RBMS3: variants seen among roughly 807,000 people sequenced by gnomAD.
RBMS3 encodes the protein RNA-binding motif, single-stranded-interacting protein 3.
Under a neutral mutation model 66.8 loss-of-function variants are expected in RBMS3, and 27 were observed. The ratio of observed to expected loss-of-function variants is 0.40; its 90% CI spans 0.30 to 0.56. The LOEUF is 0.56. RBMS3 is among the 20% of genes least tolerant of loss of function. The probability of loss-of-function intolerance (pLI) is 0.40; values close to 1 mark genes in which losing one functional copy is unlikely to be tolerated. For missense variants in RBMS3, 513 were observed against 549.5 expected, an observed-to-expected ratio of 0.93 and a Z score of 0.66; for synonymous variants, 188 against 183.0, an observed-to-expected ratio of 1.03 and a Z score of -0.22.
At chr3:29,513,132 G>T (rs1238199182) in intron 3 of RBMS3, among the ~76,000 whole-genome samples, 2 of 152,156 alleles carry the variant, frequency 1.3e-5, no homozygotes, top group Non-Finnish European at 2.9e-5. Context: ...CATTTACACT[G>T]GTGGCGGATT....
At chr3:29,983,101 T>C (rs1698107206) in intron 12 of RBMS3, among the ~76,000 whole-genome samples, 1 of 152,228 alleles carries the variant, frequency 6.6e-6, no homozygotes, top group African/African-American at 2.4e-5. Flanking sequence ...ATGTATTGGG[T>C]GCATATATAT....
chr3:29,384,432 T>TAAGAAG lies in RBMS3; in HGVS notation c.76-50309_76-50308insGAAGAA, dbSNP rs561847341. Among the ~76,000 whole-genome samples the TAAGAAG allele has an allele frequency of 1.8e-3, 182 of 99,412 alleles. 1 individual carries two copies. Among genetic ancestry groups the TAAGAAG allele is most frequent in the Middle Eastern group, 9.5e-3 (2 of 210 alleles). 65.2% of individuals were successfully genotyped at this position (99,412 alleles called of 152,430 possible). On this transcript the variant is annotated intron_variant, in intron 1 of 14. Coordinates refer to ENST00000383767, the MANE Select transcript of RBMS3 (RefSeq NM_001003793.3). ...ACATATACACCAATAATAATAATAA[T>TAAGAAG]AATAAGAAGAAGAAGAAGAAGAAGA...
chr3:29,705,029 A>C (rs2165318), intron 4 of RBMS3, among the ~76,000 whole-genome samples: 1 of 152,338 alleles, frequency 6.6e-6, no homozygotes, highest in Non-Finnish European at 1.5e-5. Context: ...TGCTTTCTGG[A>C]GTCAGTTCCC....
intron 4 of RBMS3, among the ~76,000 whole-genome samples, chr3:29,700,669 A>G (rs2149287405): frequency 6.8e-6 from 1 of 147,940 alleles, no homozygotes; most frequent in East Asian, 1.9e-4. Flanking sequence ...CAATTATTTC[A>G]GACTTTTTTT....
chr3:29,412,624 T>A (rs2040312208), intron 1 of RBMS3, among the ~76,000 whole-genome samples: 1 of 152,210 alleles, frequency 6.6e-6, no homozygotes, highest in South Asian at 2.1e-4. Flanking sequence ...ATTAATTAAG[T>A]GCCAACTGAA....
intron 4 of RBMS3, among the ~76,000 whole-genome samples, chr3:29,647,008 C>T (rs1222015741): frequency 6.6e-6 from 1 of 152,090 alleles, no homozygotes; most frequent in Non-Finnish European, 1.5e-5. Context: ...GACAGAGTCT[C>T]ACTCTGTTGC....
chr3:29,474,000 T>C (rs1814465), intron 2 of RBMS3, among the ~76,000 whole-genome samples: 95,264 of 152,144 alleles, frequency 0.63, 31,040 homozygotes, highest in African/African-American at 0.8. Flanking sequence ...AAAGTGGGAG[T>C]CCAGGCAGAG....
At chr3:29,633,510 G>A (rs1053493969) in intron 4 of RBMS3, among the ~76,000 whole-genome samples, 35 of 151,638 alleles carry the variant, frequency 2.3e-4, no homozygotes, top group African/African-American at 8.2e-4. Context: ...TGCTATCTTG[G>A]GGACCTGGAT....
intron 4 of RBMS3, among the ~76,000 whole-genome samples, chr3:29,601,678 C>T (rs1047491785): frequency 1.3e-5 from 2 of 151,970 alleles, no homozygotes; most frequent in African/African-American, 4.8e-5. Flanking sequence ...CAAATAATTT[C>T]TAATTGTAAA....
chr3:29,905,334 G>A (rs1308422187), intron 10 of RBMS3, among the ~76,000 whole-genome samples: 1 of 151,958 alleles, frequency 6.6e-6, no homozygotes, highest in African/African-American at 2.4e-5. Flanking sequence ...AATGCCATAT[G>A]TTTTCTTACT....
chr3:29,801,976 G>T (rs986343827), intron 6 of RBMS3, among the ~76,000 whole-genome samples: 20 of 152,218 alleles, frequency 1.3e-4, no homozygotes, highest in East Asian at 9.6e-4. Context: ...TGACTTTTAG[G>T]ATTAAATTGT....
Position 30,005,861 on chromosome 3 carries a change from A to G in RBMS3, c.*1999A>G, listed in dbSNP as rs1386898615. The G allele has an allele frequency of 6.6e-6, 1 of 151,924 alleles. No individual in the cohort carries two copies. The highest frequency in any genetic ancestry group is 2.4e-5 in the African/African-American group (1 of 41,430). The allele number at this position is 151,924 out of a possible 1,614,324, so 9.4% of individuals were successfully genotyped here. A position where few individuals can be genotyped will look rare whatever the true frequency, so the allele number is the denominator to read the frequency against. On this transcript the variant is annotated 3_prime_UTR_variant, in exon 15 of 15. Transcript: ENST00000383767. ...AAGGAACAGTATGATTTATATCAAT[A>G]AGAACCAAAAGAATTAGGTTTGATC... is the stretch of plus-strand genomic sequence containing the variant.
intron 4 of RBMS3, among the ~76,000 whole-genome samples, chr3:29,599,475 A>G (rs1046080652): frequency 2.0e-5 from 3 of 152,164 alleles, no homozygotes; most frequent in African/African-American, 7.2e-5. Context: ...TGAGTACATC[A>G]TCCAGAAGAA....
intron 4 of RBMS3, among the ~76,000 whole-genome samples, chr3:29,704,582 G>A (rs948960379): frequency 2.6e-5 from 4 of 152,108 alleles, no homozygotes; most frequent in African/African-American, 7.2e-5. Context: ...TGTTTTATAG[G>A]ATTATTGTGA....
chr3:29,281,689 A>G lies in RBMS3; in HGVS notation c.8A>G (p.Lys3Arg), dbSNP rs374086726. ...GATAAAGATTCCAGCTACATGGGCAAACGCCTGGATCAGCCACAAATGTAC... is the reference window on the plus strand; with the variant it reads ...GATAAAGATTCCAGCTACATGGGCAGACGCCTGGATCAGCCACAAATGTAC... MG[K>R]RLDQPQMYPQ... is the part of the protein sequence containing the mutation. Residue 3 changes from lysine (K) to arginine (R), a missense_variant, in exon 1 of 15, where the codon AAA becomes AGA. Coordinates refer to ENST00000383767, the MANE Select transcript of RBMS3 (RefSeq NM_001003793.3). 1.2e-6 allele frequency: 2 copies of G among 1,613,476 alleles called. No homozygotes were observed. Among genetic ancestry groups the G allele is most frequent in the Non-Finnish European group, 1.7e-6 (2 of 1,179,630 alleles).
chr3:29,793,656 A>G (rs565621968), intron 6 of RBMS3, among the ~76,000 whole-genome samples: 1 of 152,362 alleles, frequency 6.6e-6, no homozygotes, highest in Admixed American at 6.5e-5. Flanking sequence ...TTGTATCTTT[A>G]ACTAAGCTGG....
chr3:29,483,258 G>T (rs551320758), intron 2 of RBMS3, among the ~76,000 whole-genome samples: 7 of 145,690 alleles, frequency 4.8e-5, no homozygotes, highest in Non-Finnish European at 1.0e-4. Flanking sequence ...GCAGTGAGCC[G>T]AGATCGCGTC....
intron 3 of RBMS3, among the ~76,000 whole-genome samples, chr3:29,562,101 C>T (rs55851420): frequency 2.0e-5 from 3 of 152,066 alleles, no homozygotes; most frequent in Non-Finnish European, 4.4e-5. Flanking sequence ...TCCTGTAATT[C>T]TAATTTTCAG....
intron 9 of RBMS3, among the ~76,000 whole-genome samples, chr3:29,898,168 C>T (rs1277507764): frequency 3.3e-5 from 5 of 151,586 alleles, no homozygotes; most frequent in Non-Finnish European, 7.4e-5. Flanking sequence ...TTGTTTTATT[C>T]CTCTGAGTTA....
Sources: gnomAD v4.1 joint callset for allele counts (sites outside exome capture counted in the v4.1 genomes callset) on GRCh38, gnomAD v4.1.1 for gene constraint, MANE v1.5 for transcripts, NCBI Gene and HGNC (gene_info 2026-07-23, HGNC 2026-07-21) for gene names.